Variants in AFDN observed in about 807,000 individuals in gnomAD.
AFDN encodes the protein afadin, adherens junction formation factor.
AFDN carries 68 observed loss-of-function variants against 216.6 expected under a neutral mutation model. The ratio of observed to expected loss-of-function variants is 0.31; its 90% confidence interval spans 0.26 to 0.38. The LOEUF is 0.38. Ranked by LOEUF, AFDN falls within the 10% of genes least tolerant of loss-of-function variation. The probability of loss-of-function intolerance (pLI) is 1.00; values close to 1 mark genes in which losing one functional copy is unlikely to be tolerated. For synonymous variants in AFDN, 868 were observed against 853.7 expected, an observed-to-expected ratio of 1.02 and a Z score of -0.29; for missense variants, 2,136 against 2,342.0, an observed-to-expected ratio of 0.91 and a Z score of 1.82.
intron 1 of AFDN, chr6:167,827,658 G>T (rs1367230179): frequency 3.3e-5 from 5 of 150,250 alleles, no homozygotes; most frequent in Non-Finnish European, 6.0e-5. Flanking sequence ...CCCCTTCGCC[G>T]TGGCCGGGAT....
intron 26 of AFDN, among the ~76,000 whole-genome samples, chr6:167,945,487 C>T (rs1221761754): frequency 6.6e-6 from 1 of 152,284 alleles, no homozygotes; most frequent in East Asian, 1.9e-4. Context: ...GCAACCCAGT[C>T]GCATATTACA....
Position 167,951,676 on chromosome 6 carries a change from G to A in AFDN, c.4322G>A (p.Arg1441Gln), listed in dbSNP as rs369365884. Residue 1441 changes from arginine to glutamine, a missense_variant, in exon 30 of 34, where the codon CGG (arginine) becomes CAG (glutamine). This residue lies in a region of AFDN where 981 missense variants were observed against 966.0 expected (regional missense o/e 1.02). Transcript: ENST00000683244. The surrounding 1 kb of genome is among the most constrained non-coding windows in gnomAD (Gnocchi z 7.1). Reference protein sequence around the residue: ...ARLEEERERKRREQERKLGQM... With the variant: ...ARLEEERERKQREQERKLGQM... ...CTGGAGGAGGAGCGGGAGAGGAAGCGGAGAGAGCAGGAGAGGAAGTTGGGC... is the reference window on the plus strand; with the variant it reads ...CTGGAGGAGGAGCGGGAGAGGAAGCAGAGAGAGCAGGAGAGGAAGTTGGGC... 7.4e-6 allele frequency: 12 copies of A among 1,613,734 alleles called. No homozygotes were observed. The highest frequency in any genetic ancestry group is 2.2e-5 in the South Asian group (2 of 91,054).
In AFDN at chr6:167,958,811, A is replaced by G. The variant is rs532878680; in HGVS notation, c.4834-3622A>G. On this transcript the variant is annotated intron_variant, in intron 30 of 33. Coordinates refer to ENST00000683244, the MANE Select transcript of AFDN (RefSeq NM_001386888.1). ...AGCCTTATAAAAATTTCAAGCAGGA[A>G]TTAGTAGGAAGCCTAATTTCAGAAT... Among the ~76,000 whole-genome samples, 8 of 152,372 alleles carry G rather than the reference A, an allele frequency of 5.3e-5. No individual in the cohort carries two copies. The South Asian group carries it at 1.7e-3, about 32-fold the overall frequency.
intron 30 of AFDN, among the ~76,000 whole-genome samples, chr6:167,953,659 A>T (rs1796225482): frequency 6.6e-6 from 1 of 152,306 alleles, no homozygotes. Flanking sequence ...TTTTACTTTA[A>T]AAGTAGCTTA....
At chr6:167,923,159 T>C in intron 22 of AFDN, 200 bp downstream of exon 22, 3 of 470,840 alleles carry the variant, frequency 6.4e-6, no homozygotes, top group Non-Finnish European at 1.1e-5. Flanking sequence ...TATTACAGTT[T>C]TGTCTGTAAG....
rs760973235 is a variant in AFDN, at chr6:167,943,437, T to C, written c.3201T>C (p.Ser1067=). 5 of 1,614,164 alleles carry C rather than the reference T, an allele frequency of 3.1e-6. No individual in the cohort carries two copies. The highest frequency in any genetic ancestry group is 4.5e-5 in the East Asian group (2 of 44,882). ...GRLAAGDQLL[S]VDGRSLVGLS... is the part of the protein sequence containing the mutation. ...TAGCTGCAGGTGATCAGCTCCTCAG[T>C]GTGGATGGACGAAGTCTGGTTGGAC... Residue 1067 remains serine, a synonymous_variant, in exon 25 of 34, where the codon AGT becomes AGC. Coordinates refer to ENST00000683244, the MANE Select transcript of AFDN (RefSeq NM_001386888.1).
chr6:167,963,150 T>C, intron 31 of AFDN: 1 of 1,065,862 alleles, frequency 9.4e-7, no homozygotes, highest in Non-Finnish European at 1.1e-6. Context: ...AAGTAACCCT[T>C]TTAATTGAAT....
intron 6 of AFDN, among the ~76,000 whole-genome samples, chr6:167,885,972 G>T (rs1182311880): frequency 1.3e-5 from 2 of 152,196 alleles, no homozygotes; most frequent in African/African-American, 4.8e-5. Flanking sequence ...CTAAGTGAGG[G>T]AAAGAGGGAG....
At chr6:167,959,847 C>T (rs1408118670) in intron 30 of AFDN, among the ~76,000 whole-genome samples, 1 of 149,664 alleles carries the variant, frequency 6.7e-6, no homozygotes, top group African/African-American at 2.5e-5. Flanking sequence ...AACTTTCAGT[C>T]TGCATGGTCT....
intron 1 of AFDN, among the ~76,000 whole-genome samples, chr6:167,856,858 G>T (rs1005056069): frequency 2.6e-5 from 4 of 152,068 alleles, no homozygotes; most frequent in Non-Finnish European, 4.4e-5. Context: ...TTTTATGTTT[G>T]AGGGAAATTG....
At chr6:167,890,154 G>T (rs894745269) in intron 7 of AFDN, among the ~76,000 whole-genome samples, 2 of 152,236 alleles carry the variant, frequency 1.3e-5, no homozygotes, top group East Asian at 1.9e-4. Context: ...CCATTTAATC[G>T]TGTCAATATG....
intron 12 of AFDN, among the ~76,000 whole-genome samples, chr6:167,904,298 T>A (rs941792127): frequency 6.6e-6 from 1 of 151,996 alleles, no homozygotes; most frequent in Middle Eastern, 3.4e-3. Context: ...AACCACTGCC[T>A]CCCAGGTTCA....
At chr6:167,886,907 C>T (rs1420915655) in intron 6 of AFDN, among the ~76,000 whole-genome samples, 3 of 150,782 alleles carry the variant, frequency 2.0e-5, no homozygotes, top group South Asian at 2.1e-4. Context: ...CCCAGCTACT[C>T]GGGAGGCTGA....
intron 27 of AFDN, among the ~76,000 whole-genome samples, chr6:167,947,502 G>T (rs1795458931): frequency 6.6e-6 from 1 of 152,154 alleles, no homozygotes; most frequent in African/African-American, 2.4e-5. Flanking sequence ...TTTTTAAAGG[G>T]TTGTTAACAA....
In AFDN at chr6:167,877,424, T is replaced by G. The variant is rs1319855532; in HGVS notation, c.739+1929T>G. 2.0e-5 allele frequency among the ~76,000 whole-genome samples: 3 copies of G among 152,126 alleles called. No individual in the cohort carries two copies. The East Asian group carries it at 5.8e-4, about 29-fold the overall frequency. ...AACTTAAGGGAAAGCCATTGATTGT[T>G]AAGAGGAGTCATCAAAGCAAACAGG... On this transcript the variant is annotated intron_variant, in intron 5 of 33. Coordinates refer to ENST00000683244, the MANE Select transcript of AFDN (RefSeq NM_001386888.1).
chr6:167,969,682 A>G, intron 33 of AFDN, 100 bp from the exon 34 acceptor site: 1 of 1,120,294 alleles, frequency 8.9e-7, no homozygotes, highest in East Asian at 2.5e-5. Context: ...TTAACAAAGA[A>G]TGAGTGAAAA....
chr6:167,857,369 G>A (rs1189654380), intron 1 of AFDN, among the ~76,000 whole-genome samples: 2 of 152,192 alleles, frequency 1.3e-5, no homozygotes, highest in East Asian at 3.9e-4. Context: ...TTAAGGGCTG[G>A]ATCTAAAATA....
Position 167,962,744 on chromosome 6 carries a change from C to A in AFDN, c.4968+177C>A. On this transcript the variant is annotated intron_variant, in intron 31 of 33. Transcript: ENST00000683244. The surrounding 1 kb of genome is among the most constrained non-coding windows in gnomAD (Gnocchi z 5.2). Reference sequence around the variant, plus strand: ...ACTTTACCCCATCTGGCCCACCTACCTCTCTTCTGGACTGTCTCCAGATCC... The same window carrying A: ...ACTTTACCCCATCTGGCCCACCTACATCTCTTCTGGACTGTCTCCAGATCC... The A allele has an allele frequency of 6.7e-7, 1 of 1,485,432 alleles. No individual in the cohort carries two copies. The allele number at this position is 1,485,432 out of a possible 1,614,324, so 92.0% of individuals were successfully genotyped here.
intron 12 of AFDN, among the ~76,000 whole-genome samples, chr6:167,906,069 C>G (rs557491664): frequency 6.6e-6 from 1 of 152,298 alleles, no homozygotes; most frequent in African/African-American, 2.4e-5. Flanking sequence ...CGCCACTGCA[C>G]TCCAGCCTGG....
Sources: allele counts gnomAD v4.1 joint callset (sites outside exome capture counted in the v4.1 genomes callset), GRCh38; gene constraint gnomAD v4.1.1; regional missense constraint gnomAD v4.1.1; non-coding constraint Gnocchi (gnomAD v3.1); transcripts MANE v1.5; gene names NCBI Gene and HGNC (gene_info 2026-07-23, HGNC 2026-07-21).